STAG1: variants seen among roughly 807,000 people sequenced by gnomAD.
STAG1 encodes STAG1 cohesin complex component.
A neutral mutation model predicts 170.9 loss-of-function variants in STAG1; 26 were observed. The ratio of observed to expected loss-of-function variants is 0.15; its 90% CI spans 0.11 to 0.21. The LOEUF (loss-of-function observed/expected upper bound fraction) is 0.21, where lower values mean the gene tolerates loss of function less well. STAG1 is among the 10% of genes least tolerant of loss of function. The pLI is 1.00. For missense variants in STAG1, 964 were observed against 1,509.5 expected (o/e 0.64, Z 5.99); for synonymous variants, 514 against 497.7 (o/e 1.03, Z -0.44).
At chr3:136,525,024 G>C (rs982718403) in intron 6 of STAG1, among the ~76,000 whole-genome samples, 2 of 152,072 alleles carry the variant, frequency 1.3e-5, no homozygotes, top group African/African-American at 4.8e-5. Context: ...CTTTTGCATC[G>C]ATGTTCATCA....
chr3:136,410,918 G>T (rs748334084), intron 21 of STAG1, among the ~76,000 whole-genome samples: 1 of 152,190 alleles, frequency 6.6e-6, no homozygotes, highest in East Asian at 1.9e-4. Context: ...AGCTGGGCAC[G>T]GTGGCATATG....
intron 22 of STAG1, among the ~76,000 whole-genome samples, chr3:136,395,379 T>C (rs761362413): frequency 6.6e-6 from 1 of 152,172 alleles, no homozygotes; most frequent in Non-Finnish European, 1.5e-5. Context: ...TCCCAATACT[T>C]TGGGAGGCTG....
intron 4 of STAG1, among the ~76,000 whole-genome samples, chr3:136,602,524 A>G (rs540042179): frequency 9.8e-4 from 149 of 152,124 alleles, no homozygotes; most frequent in Admixed American, 1.8e-3. Flanking sequence ...TTTAAAATTA[A>G]TGCTTCCGTA....
intron 23 of STAG1, among the ~76,000 whole-genome samples, chr3:136,370,604 C>G (rs1302294303): frequency 2.0e-5 from 3 of 151,972 alleles, no homozygotes; most frequent in African/African-American, 4.8e-5. Context: ...AGTGAGAACA[C>G]GCAGTGTTTG....
At chr3:136,445,046 G>A (rs2088739341) in intron 14 of STAG1, among the ~76,000 whole-genome samples, 1 of 144,834 alleles carries the variant, frequency 6.9e-6, no homozygotes, top group African/African-American at 2.5e-5. Context: ...TTTTTGTAGA[G>A]ACGGGGTTAC....
At chr3:136,588,418 G>A (rs1287643132) in intron 4 of STAG1, among the ~76,000 whole-genome samples, 1 of 152,136 alleles carries the variant, frequency 6.6e-6, no homozygotes, top group Non-Finnish European at 1.5e-5. Flanking sequence ...TCGGCTCACT[G>A]CAACTTCCAC....
chr3:136,741,588 C>CAGGGATT, intron 1 of STAG1, among the ~76,000 whole-genome samples: 1 of 152,280 alleles, frequency 6.6e-6, no homozygotes, highest in Non-Finnish European at 1.5e-5. Flanking sequence ...CCTGCCTCAG[C>CAGGGATT]CTTTTAAGTA....
rs558445232 is a variant in STAG1 at position 136,526,378 on chromosome 3, T to C, written c.472-4961A>G. The stretch of plus-strand genomic sequence containing the variant: ...CCTTCTTTGTCTCTTTCTATCTTTG[T>C]TGGTTTAAAGTCTGTTTTATCAGAG... On this transcript the variant is annotated intron_variant, in intron 6 of 33. Transcript: ENST00000383202. Among the ~76,000 whole-genome samples, 6 of 152,328 alleles carry C rather than the reference T, an allele frequency of 3.9e-5. No individual in the cohort carries two copies. In the East Asian group the frequency reaches 7.7e-4, roughly 20 times the overall value.
intron 21 of STAG1, among the ~76,000 whole-genome samples, chr3:136,412,309 G>A (rs1043054316): frequency 7.9e-5 from 12 of 152,092 alleles, no homozygotes; most frequent in Admixed American, 3.9e-4. Flanking sequence ...CAAAATAAAC[G>A]ACAGAGTTAG....
intron 3 of STAG1, among the ~76,000 whole-genome samples, chr3:136,610,966 T>C (rs1003048996): frequency 2.0e-5 from 3 of 152,202 alleles, no homozygotes; most frequent in African/African-American, 7.2e-5. Flanking sequence ...TATTAATATA[T>C]GGGTTGAGTA....
intron 1 of STAG1, among the ~76,000 whole-genome samples, chr3:136,733,749 A>G (rs557909107): frequency 6.6e-6 from 1 of 152,234 alleles, no homozygotes; most frequent in Non-Finnish European, 1.5e-5. Context: ...AATTTAGGCT[A>G]TAAGAATAAA....
In STAG1 at chr3:136,542,713, A is replaced by G. The variant is rs181513279; in HGVS notation, c.395-518T>C. Reference sequence around the variant, plus strand: ...AAAGAAAGCCTATATGCTCATAAAGATCAGATGAAATAAATAAAAAGGTGA... The same window carrying G: ...AAAGAAAGCCTATATGCTCATAAAGGTCAGATGAAATAAATAAAAAGGTGA... On this transcript the variant is annotated intron_variant, in intron 5 of 33. Coordinates refer to ENST00000383202, the MANE Select transcript of STAG1 (RefSeq NM_005862.3). Among the ~76,000 whole-genome samples, 7 of 152,042 alleles carry G rather than the reference A, an allele frequency of 4.6e-5. No homozygotes were observed. In the East Asian group the frequency reaches 9.6e-4, roughly 21 times the overall value.
chr3:136,358,281 C>T (rs1395791712), intron 27 of STAG1, among the ~76,000 whole-genome samples: 2 of 151,878 alleles, frequency 1.3e-5, no homozygotes, highest in East Asian at 1.9e-4. Flanking sequence ...GATGGGGTTT[C>T]GCCATATTGC....
At position 136,418,035 on chromosome 3, in the gene STAG1, A is replaced by G. The variant is rs1376598188; in HGVS notation, c.2109-63T>C. The G allele has an allele frequency of 4.2e-6, 5 of 1,197,904 alleles. No individual in the cohort carries two copies. The East Asian group carries it at 9.4e-5, about 22-fold the overall frequency. The allele number at this position is 1,197,904 out of a possible 1,614,324, so 74.2% of individuals were successfully genotyped here. A position where few individuals can be genotyped will look rare whatever the true frequency, so the allele number is the denominator to read the frequency against. The stretch of plus-strand genomic sequence containing the variant: ...TGGAAGGAAATTTAAATTTGAGCTC[A>G]GTTCAGGTGAGTGGAAGAATAAAAT... On this transcript the variant is annotated intron_variant, in intron 20 of 33. Coordinates refer to ENST00000383202, the MANE Select transcript of STAG1 (RefSeq NM_005862.3).
At chr3:136,422,364 T>C in intron 19 of STAG1, 46 bp downstream of exon 19, 2 of 1,541,888 alleles carry the variant, frequency 1.3e-6, no homozygotes, top group Non-Finnish European at 1.8e-6. Flanking sequence ...TCTTAAGTAA[T>C]TCTCAGTCAA....
At chr3:136,346,882 T>G (rs1224507661) in intron 29 of STAG1, among the ~76,000 whole-genome samples, 1 of 152,150 alleles carries the variant, frequency 6.6e-6, no homozygotes, top group African/African-American at 2.4e-5. Context: ...GTGGATCGCT[T>G]GAGTCCAGGA....
chr3:136,507,543 T>A (rs1286187724), intron 7 of STAG1, among the ~76,000 whole-genome samples: 1 of 151,870 alleles, frequency 6.6e-6, no homozygotes, highest in Non-Finnish European at 1.5e-5. Flanking sequence ...AAAAAAAATT[T>A]TTTTGTAGAG....
At chr3:136,473,039 A>C (rs964469791) in intron 11 of STAG1, among the ~76,000 whole-genome samples, 3 of 152,138 alleles carry the variant, frequency 2.0e-5, no homozygotes, top group Admixed American at 2.0e-4. Flanking sequence ...CTGAGCTCCA[A>C]GTCTTGTCAA....
chr3:136,518,753 T>C (rs558743538), intron 7 of STAG1, among the ~76,000 whole-genome samples: 3 of 152,168 alleles, frequency 2.0e-5, no homozygotes, highest in Non-Finnish European at 4.4e-5. Context: ...ATTTGTTTTT[T>C]TGATATCTGA....
Sources: gnomAD v4.1 joint callset for allele counts (sites outside exome capture counted in the v4.1 genomes callset) on GRCh38, gnomAD v4.1.1 for gene constraint, MANE v1.5 for transcripts, NCBI Gene and HGNC (gene_info 2026-07-23, HGNC 2026-07-21) for gene names.